Variants in GLIS3 observed in about 807,000 individuals in gnomAD.
GLIS3 encodes GLIS family zinc finger 3.
GLIS3 carries 53 observed loss-of-function variants against 78.6 expected under a neutral mutation model. The observed-to-expected ratio is 0.67, with a 90% confidence interval of 0.54 to 0.85. The LOEUF (loss-of-function observed/expected upper bound fraction) is 0.85. Among genes scored for constraint, GLIS3 ranks in the 40% least tolerant of loss-of-function variants. The probability of loss-of-function intolerance (pLI) is 0.00; values close to 1 mark genes in which losing one functional copy is unlikely to be tolerated. For missense variants in GLIS3, 1,703 were observed against 1,231.1 expected (o/e 1.38, Z -5.74); for synonymous variants, 684 against 509.9 (o/e 1.34, Z -4.60).
chr9:4,339,507 G>A (rs1196336578), intron 2 of GLIS3, among the ~76,000 whole-genome samples: 3 of 151,562 alleles, frequency 2.0e-5, no homozygotes, highest in African/African-American at 7.3e-5. Context: ...AAGGGCTGGC[G>A]CCGCCTAGAG....
At chr9:4,053,621 A>G (rs996246672) in intron 4 of GLIS3, among the ~76,000 whole-genome samples, 8 of 149,676 alleles carry the variant, frequency 5.3e-5, no homozygotes, top group African/African-American at 2.4e-5. Context: ...AAATGTCTCA[A>G]TGGTGCTCAA....
chr9:3,961,739 C>A (rs755857450), intron 4 of GLIS3, among the ~76,000 whole-genome samples: 9 of 152,154 alleles, frequency 5.9e-5, no homozygotes, highest in African/African-American at 1.2e-4. Context: ...AAGAACATAT[C>A]TATTAATTTC....
At chr9:4,177,090 C>A (rs953666362) in intron 2 of GLIS3, among the ~76,000 whole-genome samples, 1 of 152,170 alleles carries the variant, frequency 6.6e-6, no homozygotes, top group African/African-American at 2.4e-5. Flanking sequence ...TCAAGGTGTG[C>A]TACTTACCCA....
At chr9:4,470,753 G>A in the GLIS3 span, among the ~76,000 whole-genome samples, 6 of 152,128 alleles carry the variant, frequency 3.9e-5, no homozygotes, top group South Asian at 2.1e-4. Context: ...GTTCTGGCCA[G>A]GGCAATAAGG....
the GLIS3 span, among the ~76,000 whole-genome samples, chr9:4,411,400 A>G: frequency 2.0e-5 from 3 of 152,224 alleles, no homozygotes; most frequent in African/African-American, 4.8e-5. Context: ...GTACTGGGTT[A>G]TGAGGTCGTG....
At chr9:4,349,521 A>G (rs971354086), upstream of GLIS3, among the ~76,000 whole-genome samples, 2 of 152,204 alleles carry the variant, frequency 1.3e-5, no homozygotes, top group African/African-American at 4.8e-5. Context: ...CATTGCACAG[A>G]AAAAAATCCC....
At chr9:4,388,687 AAAAAAT>A in the GLIS3 span, among the ~76,000 whole-genome samples, 2 of 152,148 alleles carry the variant, frequency 1.3e-5, no homozygotes, top group East Asian at 1.9e-4. Flanking sequence ...AAAACAATAA[AAAAAAT>A]AAAAATAAAG....
intron 2 of GLIS3, among the ~76,000 whole-genome samples, chr9:4,177,323 T>G (rs1045960708): frequency 6.6e-6 from 1 of 152,158 alleles, no homozygotes; most frequent in African/African-American, 2.4e-5. Flanking sequence ...TGTACCAATA[T>G]AGCAAAACAG....
intron 6 of GLIS3, among the ~76,000 whole-genome samples, chr9:3,921,021 T>C (rs1032763869): frequency 2.4e-4 from 37 of 152,190 alleles, no homozygotes; most frequent in Admixed American, 6.5e-4. Context: ...AACTTAAAGA[T>C]CTTGCATCAC....
At chr9:4,390,195 G>C in the GLIS3 span, among the ~76,000 whole-genome samples, 3 of 152,202 alleles carry the variant, frequency 2.0e-5, no homozygotes, top group African/African-American at 7.2e-5. Flanking sequence ...TAAAGTTGGA[G>C]GGGGAAAGCA....
upstream of GLIS3, among the ~76,000 whole-genome samples, chr9:4,348,873 T>C (rs145330016): frequency 3.9e-5 from 6 of 152,348 alleles, no homozygotes; most frequent in East Asian, 7.7e-4. Context: ...ATCAAAATTA[T>C]GTCTATTGGC....
At chr9:3,871,116 C>G (rs1306525021) in intron 8 of GLIS3, among the ~76,000 whole-genome samples, 1 of 152,178 alleles carries the variant, frequency 6.6e-6, no homozygotes, top group African/African-American at 2.4e-5. Context: ...TCTTTAAGCT[C>G]CAAAATGATC....
chr9:3,847,706 A>T (rs1026166377), intron 9 of GLIS3, among the ~76,000 whole-genome samples: 6 of 152,346 alleles, frequency 3.9e-5, no homozygotes, highest in African/African-American at 1.4e-4. Flanking sequence ...GCATGTTGAA[A>T]TGCTTACTGC....
chr9:4,209,804 G>A (rs1392939651), intron 2 of GLIS3, among the ~76,000 whole-genome samples: 1 of 100,018 alleles, frequency 1.0e-5, no homozygotes, highest in East Asian at 2.5e-4. Context: ...CCAGAATCCA[G>A]TAGCATTCCC....
chr9:3,864,302 AG>A (rs1238008840), intron 8 of GLIS3, among the ~76,000 whole-genome samples: 3 of 152,250 alleles, frequency 2.0e-5, no homozygotes, highest in Non-Finnish European at 4.4e-5. Flanking sequence ...AGAATGCATT[AG>A]ATGAAAGAAA....
At position 3,946,605 on chromosome 9, in the gene GLIS3, G is replaced by T. The variant is rs962813797; in HGVS notation, c.1711-9416C>A. Among the ~76,000 whole-genome samples, 3 of 152,122 alleles carry T rather than the reference G, an allele frequency of 2.0e-5. No homozygotes were observed. The South Asian group carries it at 6.2e-4, about 32-fold the overall frequency. ...GGAAAAATACTAATAACAACATATGGTTGTATTTTTGTGAATGTGATGCAT... is the reference window on the plus strand; with the variant it reads ...GGAAAAATACTAATAACAACATATGTTTGTATTTTTGTGAATGTGATGCAT... On this transcript the variant is annotated intron_variant, in intron 4 of 10. Coordinates refer to ENST00000381971, the MANE Select transcript of GLIS3 (RefSeq NM_001042413.2).
At chr9:3,856,256 C>G (rs1196600911) in intron 8 of GLIS3, 72 bp from the exon 9 acceptor site, 9 of 1,321,336 alleles carry the variant, frequency 6.8e-6, no homozygotes, top group Non-Finnish European at 9.6e-6. Context: ...TCTCCAAAGC[C>G]AAATTCTCAC....
At chr9:4,362,324 AT>A in the GLIS3 span, among the ~76,000 whole-genome samples, 1 of 152,058 alleles carries the variant, frequency 6.6e-6, no homozygotes, top group Non-Finnish European at 1.5e-5. Context: ...GGAATCTCTC[AT>A]TCTTTTTGCT....
At chr9:4,378,166 G>C in the GLIS3 span, among the ~76,000 whole-genome samples, 1 of 151,928 alleles carries the variant, frequency 6.6e-6, no homozygotes, top group Non-Finnish European at 1.5e-5. Context: ...GCTCAATTAT[G>C]AAAGTAATTT....
Sources: gnomAD v4.1 joint callset for allele counts (sites outside exome capture counted in the v4.1 genomes callset) on GRCh38, gnomAD v4.1.1 for gene constraint, MANE v1.5 for transcripts, NCBI Gene and HGNC (gene_info 2026-07-23, HGNC 2026-07-21) for gene names.